Variants in ASB3 observed in about 807,000 individuals in gnomAD.
ASB3 encodes ankyrin repeat and SOCS box protein 3.
ASB3 carries 41 observed loss-of-function variants against 54.5 expected under a neutral mutation model. The observed-to-expected ratio is 0.75, with a 90% CI of 0.59 to 0.98. The LOEUF (loss-of-function observed/expected upper bound fraction) is 0.98, where lower values mean the gene tolerates loss of function less well. ASB3 is among the 50% of genes least tolerant of loss of function. ASB3 has a pLI of 0.00. For missense variants in ASB3, 733 were observed against 620.0 expected (o/e 1.18, Z -1.94); for synonymous variants, 266 against 221.2 (o/e 1.20, Z -1.80).
At chr2:53,772,631 G>C (rs576104213) in intron 1 of ASB3, among the ~76,000 whole-genome samples, 2 of 151,628 alleles carry the variant, frequency 1.3e-5, no homozygotes, top group Non-Finnish European at 2.9e-5. Flanking sequence ...ATTTTCAGCA[G>C]AAATCTAAGT....
chr2:53,690,313 C>A (rs536603461), intron 9 of ASB3, among the ~76,000 whole-genome samples: 1 of 152,138 alleles, frequency 6.6e-6, no homozygotes, highest in South Asian at 2.1e-4. Context: ...TTAGAGAGAA[C>A]TGCTCAAAAG....
At chr2:53,685,457 C>G (rs535999790) in intron 9 of ASB3, among the ~76,000 whole-genome samples, 3 of 152,178 alleles carry the variant, frequency 2.0e-5, no homozygotes, top group Non-Finnish European at 2.9e-5. Flanking sequence ...GTCCACCTTT[C>G]CCCCACCAGA....
At chr2:53,690,341 T>G (rs1405922332) in intron 9 of ASB3, among the ~76,000 whole-genome samples, 1 of 152,118 alleles carries the variant, frequency 6.6e-6, no homozygotes, top group Non-Finnish European at 1.5e-5. Flanking sequence ...GGCCATCCAT[T>G]TACAGATATT....
chr2:53,745,973 C>T (rs755332201), intron 3 of ASB3, among the ~76,000 whole-genome samples: 5 of 152,070 alleles, frequency 3.3e-5, no homozygotes, highest in Middle Eastern at 3.2e-3. Flanking sequence ...CCATTATAGA[C>T]TGAAGCAGGA....
Position 53,700,544 on chromosome 2 carries a change from T to C in ASB3, c.981-16A>G, listed in dbSNP as rs746065302. ...GAACTCACAGCTCCACCATAAAAAA[T>C]AAAAACAAAAAAAGAAGAAGTTAGA... On this transcript the variant is annotated splice_polypyrimidine_tract_variant and intron_variant, in intron 7 of 9. Transcript: ENST00000263634. 1 of 1,574,848 alleles carries C rather than the reference T, an allele frequency of 6.3e-7. No individual in the cohort carries two copies. The highest frequency in any genetic ancestry group is 8.6e-7 in the Non-Finnish European group (1 of 1,167,488).
intron 2 of ASB3, among the ~76,000 whole-genome samples, chr2:53,758,058 G>A (rs1170153640): frequency 2.6e-5 from 4 of 151,434 alleles, no homozygotes; most frequent in Admixed American, 1.3e-4. Flanking sequence ...AGAGATAGAA[G>A]TAGTAAAGAA....
chr2:53,745,144 G>A (rs540386454), intron 3 of ASB3, among the ~76,000 whole-genome samples: 138 of 152,158 alleles, frequency 9.1e-4, no homozygotes, highest in Non-Finnish European at 1.7e-3. Flanking sequence ...ATTTATTATA[G>A]CTATCAACAA....
At chr2:53,728,416 C>T (rs1391897322) in intron 5 of ASB3, among the ~76,000 whole-genome samples, 2 of 152,148 alleles carry the variant, frequency 1.3e-5, no homozygotes, top group East Asian at 1.9e-4. Context: ...AAAGTTGAAA[C>T]TGCTCAAGTC....
intron 2 of ASB3, among the ~76,000 whole-genome samples, chr2:53,761,004 G>A (rs565138325): frequency 4.6e-5 from 7 of 152,214 alleles, no homozygotes; most frequent in Admixed American, 6.5e-5. Context: ...TAAACTGCAC[G>A]ACCCCTACTA....
intron 1 of ASB3, among the ~76,000 whole-genome samples, chr2:53,772,376 G>A (rs886550216): frequency 1.3e-5 from 2 of 151,962 alleles, no homozygotes; most frequent in Non-Finnish European, 2.9e-5. Context: ...AGGTTTCACC[G>A]TGTTAGCCAG....
At chr2:53,675,149 C>CA (rs1335975693) in intron 9 of ASB3, among the ~76,000 whole-genome samples, 1 of 152,122 alleles carries the variant, frequency 6.6e-6, no homozygotes, top group African/African-American at 2.4e-5. Flanking sequence ...TGATGATGTT[C>CA]AAGTTGGAAC....
intron 3 of ASB3, among the ~76,000 whole-genome samples, chr2:53,745,264 G>GA (rs1422806294): frequency 2.0e-5 from 3 of 152,126 alleles, no homozygotes; most frequent in Non-Finnish European, 4.4e-5. Flanking sequence ...CAAGGGTAGA[G>GA]AAAAGAAATA....
At chr2:53,714,622 T>G (rs73934979) in intron 6 of ASB3, 41 bp from the exon 7 acceptor site, 2 of 1,583,168 alleles carry the variant, frequency 1.3e-6, no homozygotes, top group South Asian at 1.2e-5. Flanking sequence ...TGTTTGTATA[T>G]GTGCATAAAT....
chr2:53,712,772 G>A (rs183609954), intron 7 of ASB3, among the ~76,000 whole-genome samples: 2,427 of 151,366 alleles, frequency 0.016, 23 homozygotes, highest in Middle Eastern at 0.038. Flanking sequence ...ACACACAGGC[G>A]CGCGCGCGCG....
chr2:53,695,935 A>G (rs1010229443), intron 8 of ASB3, among the ~76,000 whole-genome samples: 3 of 152,198 alleles, frequency 2.0e-5, no homozygotes, highest in Non-Finnish European at 4.4e-5. Context: ...AAGATTAAGC[A>G]ACAGACCTAC....
At chr2:53,686,647 CATACTT>C (rs1668645367) in intron 9 of ASB3, among the ~76,000 whole-genome samples, 3 of 145,402 alleles carry the variant, frequency 2.1e-5, no homozygotes, top group Admixed American at 6.9e-5. Context: ...CTGGTGATCT[CATACTT>C]AGAACATGTA....
rs373573897 is a variant in ASB3 at position 53,774,191 on chromosome 2, A to T, written c.-13-8606T>A. 1.5e-5 allele frequency: 24 copies of T among 1,613,140 alleles called. No homozygotes were observed. The highest frequency in any genetic ancestry group is 1.6e-4 in the Middle Eastern group (1 of 6,078). Reference sequence around the variant, plus strand: ...AGATTGCCAGTAGGAAAGGAAGAAGAAGTAAAAGCATACCTTGACTTCAGA... The same window carrying T: ...AGATTGCCAGTAGGAAAGGAAGAAGTAGTAAAAGCATACCTTGACTTCAGA... On this transcript the variant is annotated intron_variant, in intron 1 of 9. Coordinates refer to ENST00000263634, the MANE Select transcript of ASB3 (RefSeq NM_016115.5).
At chr2:53,756,103 C>T (rs1414724980) in intron 2 of ASB3, among the ~76,000 whole-genome samples, 2 of 144,506 alleles carry the variant, frequency 1.4e-5, no homozygotes, top group Admixed American at 1.4e-4. Context: ...GAGTTGGAGG[C>T]TGCAATGAGC....
intron 3 of ASB3, among the ~76,000 whole-genome samples, chr2:53,742,030 C>T (rs1160977047): frequency 6.6e-6 from 1 of 152,138 alleles, no homozygotes; most frequent in Non-Finnish European, 1.5e-5. Context: ...AGGAACAAAA[C>T]TAAGTACCAG....
Sources: allele counts gnomAD v4.1 joint callset (sites outside exome capture counted in the v4.1 genomes callset), GRCh38; gene constraint gnomAD v4.1.1; transcripts MANE v1.5; gene names NCBI Gene and HGNC (gene_info 2026-07-23, HGNC 2026-07-21).